Variants in QTGAL observed in about 807,000 individuals in gnomAD.
The protein encoded by QTGAL is BGnT-like protein 1.
At chr17:83,004,729 G>A in the QTGAL span, among the ~76,000 whole-genome samples, 9 of 123,866 alleles carry the variant, frequency 7.3e-5, no homozygotes, top group East Asian at 7.6e-4. Context: ...TGCAGTCCGC[G>A]TGTGGGATTC....
chr17:82,959,137 G>A, the QTGAL span, among the ~76,000 whole-genome samples: 2 of 151,898 alleles, frequency 1.3e-5, no homozygotes, highest in African/African-American at 4.8e-5. Context: ...TGTATGTTGT[G>A]TGTGCACAGT....
the QTGAL span, among the ~76,000 whole-genome samples, chr17:82,978,228 C>G: frequency 6.6e-6 from 1 of 152,140 alleles, no homozygotes; most frequent in Non-Finnish European, 1.5e-5. This position sits in a 1 kb window ranked among gnomAD's most constrained non-coding sequence, Gnocchi z 4.8. Flanking sequence ...GCTTCTCCCC[C>G]AGGCTGCGAG....
At chr17:83,000,675 T>C in the QTGAL span, among the ~76,000 whole-genome samples, 125,856 of 152,162 alleles carry the variant, frequency 0.83, 52,551 homozygotes, top group African/African-American at 0.95. Context: ...TAGGCCATGC[T>C]GTTTGTCTGA....
chr17:82,979,305 C>A, the QTGAL span: 1 of 152,124 alleles, frequency 6.6e-6, no homozygotes, highest in Admixed American at 6.6e-5. Flanking sequence ...AGATACTAAA[C>A]GCATCACAGA....
chr17:82,969,016 C>G, the QTGAL span, among the ~76,000 whole-genome samples: 2 of 151,960 alleles, frequency 1.3e-5, no homozygotes, highest in African/African-American at 4.8e-5. Context: ...TGCCTGTAGT[C>G]CCAGCTACTC....
At chr17:82,973,293 CCTGTGA>C in the QTGAL span, among the ~76,000 whole-genome samples, 1 of 151,942 alleles carries the variant, frequency 6.6e-6, no homozygotes, top group African/African-American at 2.4e-5. Context: ...ATTGAAAACA[CCTGTGA>C]CCATCTGTGG....
chr17:82,954,063 G>T, the QTGAL span, among the ~76,000 whole-genome samples: 1 of 152,146 alleles, frequency 6.6e-6, no homozygotes, highest in African/African-American at 2.4e-5. Context: ...AAAGCTAGAA[G>T]CATTCCCTTT....
the QTGAL span, among the ~76,000 whole-genome samples, chr17:83,039,263 CCT>C: frequency 7.0e-6 from 1 of 143,522 alleles, no homozygotes. Flanking sequence ...GCCGCCCGCC[CCT>C]GTTCTAGACA....
chr17:82,945,314 GTC>G, the QTGAL span: 3 of 152,200 alleles, frequency 2.0e-5, no homozygotes, highest in South Asian at 6.2e-4. Flanking sequence ...GGTAATTGGG[GTC>G]TCAGAATGAA....
the QTGAL span, chr17:82,981,496 G>C: frequency 6.6e-6 from 1 of 152,236 alleles, no homozygotes; most frequent in Non-Finnish European, 1.5e-5. Context: ...ACACAAGTTA[G>C]ACAATGTGAC....
the QTGAL span, among the ~76,000 whole-genome samples, chr17:83,028,943 G>A: frequency 6.6e-6 from 1 of 152,184 alleles, no homozygotes; most frequent in African/African-American, 2.4e-5. Flanking sequence ...AAGCTGTAAC[G>A]CATGACCATC....
At chr17:83,035,154 T>A in the QTGAL span, 1 of 1,422,572 alleles carries the variant, frequency 7.0e-7, no homozygotes, top group Non-Finnish European at 9.8e-7. Context: ...AGCAGCATTC[T>A]CTTTCATAGA....
chr17:82,959,370 C>T, the QTGAL span, among the ~76,000 whole-genome samples: 76 of 149,064 alleles, frequency 5.1e-4, no homozygotes, highest in East Asian at 1.0e-3. Context: ...CACGTGAGTG[C>T]GTGTGTGCAG....
the QTGAL span, chr17:82,979,377 C>T: frequency 6.6e-6 from 1 of 152,196 alleles, no homozygotes; most frequent in African/African-American, 2.4e-5. Context: ...GGATCAATTC[C>T]TCAAAAATCG....
At chr17:83,033,779 C>T in the QTGAL span, among the ~76,000 whole-genome samples, 1 of 151,534 alleles carries the variant, frequency 6.6e-6, no homozygotes, top group South Asian at 2.1e-4. Context: ...CCTAAGTTAT[C>T]TACATTTTTA....
At chr17:82,956,590 G>A in the QTGAL span, 1 of 1,269,552 alleles carries the variant, frequency 7.9e-7, no homozygotes, top group Non-Finnish European at 1.1e-6. This position sits in a 1 kb window ranked among gnomAD's most constrained non-coding sequence, Gnocchi z 5.7. Flanking sequence ...CCATCGGCTG[G>A]GGTCTCATCC....
At chr17:82,956,122 A>C in the QTGAL span, among the ~76,000 whole-genome samples, 2 of 152,112 alleles carry the variant, frequency 1.3e-5, no homozygotes, top group Non-Finnish European at 2.9e-5. The surrounding 1 kb of genome is among the most constrained non-coding windows in gnomAD (Gnocchi z 5.7). Flanking sequence ...CTATGTAACA[A>C]ATCTTCATGT....
the QTGAL span, chr17:82,943,790 A>C: frequency 3.3e-5 from 5 of 152,204 alleles, no homozygotes; most frequent in Non-Finnish European, 7.3e-5. Context: ...CTTGGGTTAC[A>C]TTTTTACGAG....
the QTGAL span, among the ~76,000 whole-genome samples, chr17:83,016,144 AT>A: frequency 1.3e-5 from 2 of 152,118 alleles, no homozygotes; most frequent in Non-Finnish European, 2.9e-5. Context: ...TGTTTTGTGC[AT>A]TTTTCTGTGG....
Sources: gnomAD v4.1 joint callset for allele counts (sites outside exome capture counted in the v4.1 genomes callset) on GRCh38, gnomAD v4.1.1 for gene constraint, Gnocchi (gnomAD v3.1) non-coding constraint, MANE v1.5 for transcripts, NCBI Gene and HGNC (gene_info 2026-07-23, HGNC 2026-07-21) for gene names.